TBC1D32: variants seen among roughly 807,000 people sequenced by gnomAD.
TBC1D32 encodes the protein protein broad-minded.
TBC1D32 carries 151 observed loss-of-function variants against 170.3 expected under a neutral mutation model. That is an observed-to-expected ratio of 0.89 (90% CI 0.78 to 1.01). TBC1D32 has a LOEUF of 1.01. TBC1D32 is among the 50% of genes least tolerant of loss of function. The pLI is 0.00. For missense variants in TBC1D32, 1,464 were observed against 1,457.1 expected (o/e 1.00, Z -0.08); for synonymous variants, 498 against 488.0 (o/e 1.02, Z -0.27).
chr6:121,244,807 G>A (rs919435359), intron 17 of TBC1D32, among the ~76,000 whole-genome samples: 13 of 152,130 alleles, frequency 8.5e-5, no homozygotes, highest in African/African-American at 3.1e-4. Context: ...AGGTCTTTCT[G>A]GAAGTTATTG....
intron 26 of TBC1D32, among the ~76,000 whole-genome samples, chr6:121,123,251 T>C (rs1277966975): frequency 6.6e-6 from 1 of 152,112 alleles, no homozygotes; most frequent in East Asian, 1.9e-4. Context: ...TAAATGATGT[T>C]GAATTGTATC....
intron 26 of TBC1D32, among the ~76,000 whole-genome samples, chr6:121,122,229 G>T (rs9398622): frequency 0.65 from 99,140 of 151,848 alleles, 37,341 homozygotes; most frequent in Non-Finnish European, 0.84. Flanking sequence ...CTCCATTACT[G>T]ACATCCTCAT....
intron 29 of TBC1D32, among the ~76,000 whole-genome samples, chr6:121,106,547 T>C (rs1778705701): frequency 6.6e-6 from 1 of 152,076 alleles, no homozygotes; most frequent in Non-Finnish European, 1.5e-5. Context: ...GAAATATGCT[T>C]AATATTCTTG....
Position 121,317,537 on chromosome 6 carries a change from G to T in TBC1D32, c.453C>A (p.Tyr151Ter). ...KKIQKEKSHS[Y>*]RTDNCSDSDS... ...CACTATCAGAGCAATTGTCTGTGCG[G>T]TAACTATGGCTTTTCTCCTTTTGGA... Residue 151 changes from tyrosine (Y) to a stop codon, truncating the protein, a stop_gained, in exon 3 of 32, where the codon TAC becomes TAA. Coordinates refer to ENST00000398212, the MANE Select transcript of TBC1D32 (RefSeq NM_152730.6). LOFTEE classifies it high-confidence loss of function. 6.2e-7 allele frequency: 1 copy of T among 1,612,310 alleles called. No homozygotes were observed. The highest frequency in any genetic ancestry group is 1.3e-5 in the African/African-American group (1 of 74,942).
At chr6:121,102,094 C>G (rs949488505) in intron 30 of TBC1D32, among the ~76,000 whole-genome samples, 1 of 152,068 alleles carries the variant, frequency 6.6e-6, no homozygotes, top group South Asian at 2.1e-4. Flanking sequence ...AAAGAGAATA[C>G]AAACAAATGA....
At chr6:121,209,140 TAAA>T (rs10605770) in intron 21 of TBC1D32, among the ~76,000 whole-genome samples, 16 of 149,428 alleles carry the variant, frequency 1.1e-4, no homozygotes, top group East Asian at 2.0e-4. Flanking sequence ...CAGCTCTTCT[TAAA>T]AAAAAAAAAA....
intron 31 of TBC1D32, among the ~76,000 whole-genome samples, chr6:121,082,422 T>C (rs1308271716): frequency 6.6e-6 from 1 of 152,038 alleles, no homozygotes; most frequent in Non-Finnish European, 1.5e-5. Context: ...ATTTATCCAT[T>C]CATTTCATTC....
intron 22 of TBC1D32, among the ~76,000 whole-genome samples, chr6:121,198,246 T>TATAATATATATATAAATATATATTA (rs1554265802): frequency 8.4e-6 from 1 of 118,942 alleles, no homozygotes; most frequent in African/African-American, 2.9e-5. Context: ...AATATATATA[T>TATAATATATATATAAATATATATTA]TATATATATA....
At chr6:121,235,792 G>A (rs1037361749) in intron 20 of TBC1D32, among the ~76,000 whole-genome samples, 2 of 152,176 alleles carry the variant, frequency 1.3e-5, no homozygotes, top group African/African-American at 2.4e-5. Flanking sequence ...GTATGTTCCT[G>A]TGGTAGTTCT....
At chr6:121,232,372 TTC>T (rs1795850357) in intron 20 of TBC1D32, among the ~76,000 whole-genome samples, 1 of 152,160 alleles carries the variant, frequency 6.6e-6, no homozygotes. Flanking sequence ...TCCAGATTTG[TTC>T]TTTTTGCTTA....
chr6:121,123,216 C>T (rs1780461646), intron 26 of TBC1D32, among the ~76,000 whole-genome samples: 1 of 151,918 alleles, frequency 6.6e-6, no homozygotes, highest in Non-Finnish European at 1.5e-5. Flanking sequence ...CCTTCTATAC[C>T]CAATTTGTTA....
intron 26 of TBC1D32, among the ~76,000 whole-genome samples, chr6:121,117,482 A>G (rs1452719339): frequency 1.3e-5 from 2 of 152,082 alleles, no homozygotes; most frequent in African/African-American, 4.8e-5. Context: ...GGGATGGATT[A>G]CTTGAGGTCA....
chr6:121,133,099 T>C (rs1400541598), intron 24 of TBC1D32, among the ~76,000 whole-genome samples: 1 of 151,964 alleles, frequency 6.6e-6, no homozygotes, highest in Non-Finnish European at 1.5e-5. Context: ...CTCTAAATTA[T>C]GGTATGGGAA....
intron 23 of TBC1D32, 129 bp downstream of exon 23, chr6:121,160,819 C>G (rs1785529731): frequency 4.3e-6 from 3 of 704,980 alleles, no homozygotes; most frequent in Non-Finnish European, 7.5e-6. Context: ...CCTAAATATT[C>G]TCAAGTAATA....
chr6:121,193,791 G>A (rs1790374174), intron 22 of TBC1D32, among the ~76,000 whole-genome samples: 1 of 152,090 alleles, frequency 6.6e-6, no homozygotes. Flanking sequence ...AGGTCAAATG[G>A]ACAAAAGATT....
At chr6:121,296,088 A>G (rs1805587533) in intron 10 of TBC1D32, among the ~76,000 whole-genome samples, 1 of 152,156 alleles carries the variant, frequency 6.6e-6, no homozygotes. Flanking sequence ...TGAGTTTCTA[A>G]TGAGCTTCCC....
chr6:121,116,173 T>G (rs553748485), intron 26 of TBC1D32, among the ~76,000 whole-genome samples: 9 of 152,094 alleles, frequency 5.9e-5, no homozygotes, highest in Non-Finnish European at 8.8e-5. Context: ...TCATGAAGTT[T>G]TTTTTTTTTT....
intron 22 of TBC1D32, among the ~76,000 whole-genome samples, chr6:121,191,610 G>A (rs956596401): frequency 1.3e-5 from 2 of 148,902 alleles, no homozygotes; most frequent in African/African-American, 5.2e-5. Flanking sequence ...CTGTGTTTTA[G>A]AAAATGTTCT....
chr6:121,184,029 T>C (rs1213328551), intron 22 of TBC1D32, among the ~76,000 whole-genome samples: 1 of 152,068 alleles, frequency 6.6e-6, no homozygotes, highest in African/African-American at 2.4e-5. Flanking sequence ...TCATTACATG[T>C]AACAAAAGAC....
Sources: gnomAD v4.1 joint callset for allele counts (sites outside exome capture counted in the v4.1 genomes callset) on GRCh38, gnomAD v4.1.1 for gene constraint, MANE v1.5 for transcripts, NCBI Gene and HGNC (gene_info 2026-07-23, HGNC 2026-07-21) for gene names.